RTL4: variants seen among roughly 807,000 people sequenced by gnomAD.
RTL4 encodes retrotransposon Gag like 4, also known as retrotransposon Gag-like protein 4.
RTL4 carries 4 observed loss-of-function variants against 5.3 expected under a neutral mutation model. That is an observed-to-expected ratio of 0.75 (90% CI 0.37 to 1.72). The LOEUF (loss-of-function observed/expected upper bound fraction) is 1.72. Ranked by LOEUF, RTL4 falls within the 40% of genes most tolerant of loss-of-function variation. RTL4 has a pLI of 0.04. For synonymous variants in RTL4, 98 were observed against 87.3 expected (o/e 1.12, Z -0.68); for missense variants, 260 against 227.1 (o/e 1.14, Z -0.93).
chrX:112,214,637 T>C, the RTL4 span, among the ~76,000 whole-genome samples: 2 of 112,376 alleles, frequency 1.8e-5, no homozygotes, highest in African/African-American at 6.5e-5. Context: ...ACCAACAGAA[T>C]ATAAGGCTTC....
the RTL4 span, among the ~76,000 whole-genome samples, chrX:112,180,502 G>T: frequency 8.9e-6 from 1 of 111,821 alleles, no homozygotes; most frequent in Admixed American, 9.5e-5. Flanking sequence ...ACTTACAAGG[G>T]GTTAGTTAAG....
the RTL4 span, among the ~76,000 whole-genome samples, chrX:112,427,662 TTTC>T: frequency 9.0e-6 from 1 of 111,528 alleles, no homozygotes; most frequent in African/African-American, 3.2e-5. Context: ...ATTTAAAATT[TTTC>T]TTCTTTTCTA....
At chrX:112,147,990 A>T in the RTL4 span, among the ~76,000 whole-genome samples, 1 of 111,435 alleles carries the variant, frequency 9.0e-6, no homozygotes, top group African/African-American at 3.3e-5. Context: ...TCATCTGATT[A>T]CAAGTCTATT....
At chrX:112,257,688 G>A in the RTL4 span, among the ~76,000 whole-genome samples, 1 of 109,537 alleles carries the variant, frequency 9.1e-6, no homozygotes, top group East Asian at 2.8e-4. Flanking sequence ...GCTTCTCTGA[G>A]CTAATTACCT....
the RTL4 span, among the ~76,000 whole-genome samples, chrX:112,385,710 C>A: frequency 8.9e-6 from 1 of 111,803 alleles, no homozygotes; most frequent in East Asian, 2.8e-4. Flanking sequence ...TTGGATATAA[C>A]ATTTTTTTCT....
chrX:112,220,064 TA>T, the RTL4 span, among the ~76,000 whole-genome samples: 1 of 112,012 alleles, frequency 8.9e-6, no homozygotes, highest in Non-Finnish European at 1.9e-5. Flanking sequence ...GCTTATTCAT[TA>T]AAAGTTCTCA....
chrX:112,405,247 A>T, the RTL4 span, among the ~76,000 whole-genome samples: 1 of 111,985 alleles, frequency 8.9e-6, no homozygotes, highest in African/African-American at 3.3e-5. Context: ...CAACAAGAAA[A>T]TAAAAACCCT....
chrX:112,171,511 C>T, the RTL4 span, among the ~76,000 whole-genome samples: 3 of 111,288 alleles, frequency 2.7e-5, no homozygotes, highest in Admixed American at 9.6e-5. Context: ...GGAATTTACC[C>T]ATTGCTTCTA....
At chrX:112,338,876 T>C in the RTL4 span, among the ~76,000 whole-genome samples, 1 of 112,310 alleles carries the variant, frequency 8.9e-6, no homozygotes, top group Non-Finnish European at 1.9e-5. Flanking sequence ...GCTATCATCA[T>C]TTTAGATTAT....
chrX:112,290,150 G>A, the RTL4 span, among the ~76,000 whole-genome samples: 3 of 111,778 alleles, frequency 2.7e-5, no homozygotes, highest in African/African-American at 9.8e-5. Flanking sequence ...TAGATAAACG[G>A]TGATTATTGA....
At chrX:112,139,338 T>C in the RTL4 span, among the ~76,000 whole-genome samples, 1 of 111,654 alleles carries the variant, frequency 9.0e-6, no homozygotes. Flanking sequence ...GTCACGGAAT[T>C]CAGCCAACAC....
At chrX:112,353,693 G>T in the RTL4 span, among the ~76,000 whole-genome samples, 2 of 110,141 alleles carry the variant, frequency 1.8e-5, no homozygotes, top group East Asian at 5.8e-4. Context: ...TGGGGTATGG[G>T]GAGTGGGGAG....
the RTL4 span, among the ~76,000 whole-genome samples, chrX:112,221,470 G>T: frequency 4.9e-3 from 554 of 111,985 alleles, 3 homozygotes; most frequent in African/African-American, 0.017. Flanking sequence ...CTATCTCTTG[G>T]TTCTTTCTCT....
At chrX:112,441,895 A>G in the RTL4 span, among the ~76,000 whole-genome samples, 611 of 112,432 alleles carry the variant, frequency 5.4e-3, 6 homozygotes, top group African/African-American at 0.019. Context: ...ATCAGCAAGT[A>G]AAACAAGAGG....
the RTL4 span, among the ~76,000 whole-genome samples, chrX:112,083,944 C>G: frequency 7.2e-5 from 8 of 111,164 alleles, no homozygotes; most frequent in East Asian, 2.3e-3. Context: ...ATCTCCCTTC[C>G]TAGCGCTCTC....
chrX:112,254,461 C>T, the RTL4 span, among the ~76,000 whole-genome samples: 4 of 110,251 alleles, frequency 3.6e-5, no homozygotes, highest in African/African-American at 1.3e-4. Context: ...TTCTGAGTAG[C>T]TGGGACTACA....
chrX:112,304,639 C>CTT, the RTL4 span, among the ~76,000 whole-genome samples: 58 of 48,359 alleles, frequency 1.2e-3, 2 homozygotes, highest in African/African-American at 1.5e-3. Context: ...TTTCCCACAT[C>CTT]TTTTTTTTTT....
downstream of RTL4, chrX:112,457,149 T>C (rs962706404): frequency 8.1e-6 from 1 of 123,381 alleles, no homozygotes; most frequent in Middle Eastern, 4.2e-3. Flanking sequence ...TTTGGCTTTG[T>C]TTCTGGAGAA....
the RTL4 span, among the ~76,000 whole-genome samples, chrX:112,347,256 C>T: frequency 9.0e-6 from 1 of 111,350 alleles, no homozygotes; most frequent in Non-Finnish European, 1.9e-5. Context: ...TCTACAAATA[C>T]CATCACTATC....
Sources: gnomAD v4.1 joint callset for allele counts (sites outside exome capture counted in the v4.1 genomes callset) on GRCh38, gnomAD v4.1.1 for gene constraint, MANE v1.5 for transcripts, NCBI Gene and HGNC (gene_info 2026-07-23, HGNC 2026-07-21) for gene names.